PDE10A: variants seen among roughly 807,000 people sequenced by gnomAD.
The protein encoded by PDE10A is cAMP and cAMP-inhibited cGMP 3',5'-cyclic phosphodiesterase 10A.
A neutral mutation model predicts 97.7 loss-of-function variants in PDE10A; 39 were observed. That is an observed-to-expected ratio of 0.40 (90% CI 0.31 to 0.52). The LOEUF is 0.52. Ranked by LOEUF, PDE10A falls within the 20% of genes least tolerant of loss-of-function variation. The pLI, the probability that PDE10A is intolerant of heterozygous loss-of-function variation, is 0.56. For missense variants in PDE10A, 731 were observed against 1,047.8 expected (o/e 0.70, Z 4.17); for synonymous variants, 371 against 376.8 (o/e 0.98, Z 0.18).
chr6:165,431,871 T>C (rs1268697272), intron 7 of PDE10A, among the ~76,000 whole-genome samples: 2 of 152,104 alleles, frequency 1.3e-5, no homozygotes, highest in Non-Finnish European at 2.9e-5. Context: ...TGTAGCCCAA[T>C]GATTTTCACA....
intron 2 of PDE10A, among the ~76,000 whole-genome samples, chr6:165,531,826 T>C (rs145388413): frequency 6.6e-6 from 1 of 152,292 alleles, no homozygotes; most frequent in Non-Finnish European, 1.5e-5. Context: ...CTTTTCCTAT[T>C]ACAATCAATG....
chr6:165,435,130 C>T (rs1316379189), intron 6 of PDE10A, 107 bp downstream of exon 6: 5 of 1,078,312 alleles, frequency 4.6e-6, no homozygotes, highest in Non-Finnish European at 6.8e-6. Context: ...AGCTTTAATG[C>T]TTTTTAAAAT....
chr6:165,975,446 A>T (rs549851060), intron 1 of PDE10A, among the ~76,000 whole-genome samples: 2 of 151,970 alleles, frequency 1.3e-5, no homozygotes, highest in Admixed American at 6.6e-5. Flanking sequence ...CTCTATTAAA[A>T]TTTTTTTTTA....
intron 1 of PDE10A, among the ~76,000 whole-genome samples, chr6:165,723,788 T>C (rs946509226): frequency 4.6e-5 from 7 of 152,184 alleles, no homozygotes; most frequent in Admixed American, 1.3e-4. Context: ...TCCAATTGGA[T>C]ACCTAAACAT....
chr6:165,747,506 C>T (rs1792869764), intron 1 of PDE10A, among the ~76,000 whole-genome samples: 2 of 151,950 alleles, frequency 1.3e-5, no homozygotes, highest in Non-Finnish European at 2.9e-5. Flanking sequence ...CATCACATTG[C>T]TAGTTTGTTA....
rs1277614481 is a variant in PDE10A, at chr6:165,413,563, T to C, written c.2014A>G (p.Thr672Ala). 1 of 1,614,142 alleles carries C rather than the reference T, an allele frequency of 6.2e-7. No individual in the cohort carries two copies. The highest frequency in any genetic ancestry group is 8.5e-7 in the Non-Finnish European group (1 of 1,179,978). ...AACATTTTGAAGTTGTTTTCATCTG[T>C]TTTAGAGAAGGCACTGCCACTGATT... ...NKISGSAFSKTDENNFKMFAV... is the reference protein window; with the variant it reads ...NKISGSAFSKADENNFKMFAV... The change falls in exon 13 of 22, where the codon ACA (threonine) becomes GCA (alanine). Residue 672 changes from threonine to alanine, a missense_variant. This residue lies in a region of PDE10A where 4 missense variants were observed against 32.1 expected (regional missense o/e 0.12). Coordinates refer to ENST00000539869, the MANE Select transcript of PDE10A (RefSeq NM_001385079.1).
At chr6:165,690,561 G>T (rs2128441456) in intron 1 of PDE10A, among the ~76,000 whole-genome samples, 1 of 152,220 alleles carries the variant, frequency 6.6e-6, no homozygotes, top group South Asian at 2.1e-4. Flanking sequence ...CTCTGCTCTT[G>T]GAGGCAGGTC....
At chr6:165,896,726 G>A (rs1249106689) in intron 1 of PDE10A, among the ~76,000 whole-genome samples, 6 of 151,778 alleles carry the variant, frequency 4.0e-5, no homozygotes, top group East Asian at 1.9e-4. Flanking sequence ...GGGTTTCACC[G>A]TGTTAGCCAG....
At chr6:165,469,174 C>T (rs1197666117) in intron 3 of PDE10A, among the ~76,000 whole-genome samples, 5 of 152,096 alleles carry the variant, frequency 3.3e-5, no homozygotes, top group African/African-American at 9.7e-5. Flanking sequence ...ATTATGGAAT[C>T]GGGAACAGAC....
At chr6:165,351,812 T>C (rs1782713009) in intron 18 of PDE10A, among the ~76,000 whole-genome samples, 1 of 152,234 alleles carries the variant, frequency 6.6e-6, no homozygotes, top group Non-Finnish European at 1.5e-5. Flanking sequence ...GTCACTCTAA[T>C]TTTAACACAA....
intron 1 of PDE10A, among the ~76,000 whole-genome samples, chr6:165,954,262 A>G (rs550494046): frequency 6.6e-6 from 1 of 152,376 alleles, no homozygotes. Flanking sequence ...AACAATTTTT[A>G]GATGAAAATA....
chr6:165,944,346 T>C (rs1008566142), intron 1 of PDE10A, among the ~76,000 whole-genome samples: 1 of 152,190 alleles, frequency 6.6e-6, no homozygotes, highest in African/African-American at 2.4e-5. Context: ...ATATTTTGTA[T>C]TTTTCCTTTG....
intron 1 of PDE10A, among the ~76,000 whole-genome samples, chr6:165,856,772 G>A (rs924582519): frequency 1.3e-5 from 2 of 152,122 alleles, no homozygotes; most frequent in Admixed American, 1.3e-4. Context: ...GACACTTCAT[G>A]CTACGTTCAT....
chr6:165,449,708 T>C (rs575451243), intron 4 of PDE10A, among the ~76,000 whole-genome samples: 1 of 152,322 alleles, frequency 6.6e-6, no homozygotes, highest in South Asian at 2.1e-4. Flanking sequence ...TTATGGTTGG[T>C]ATCATTTATA....
intron 1 of PDE10A, among the ~76,000 whole-genome samples, chr6:165,751,989 A>T (rs1793013317): frequency 6.6e-6 from 1 of 151,954 alleles, no homozygotes; most frequent in African/African-American, 2.4e-5. Context: ...AAAAAAGTGA[A>T]AAAACTAGCC....
chr6:165,779,274 G>C (rs1334997593), intron 1 of PDE10A, among the ~76,000 whole-genome samples: 1 of 151,570 alleles, frequency 6.6e-6, no homozygotes, highest in East Asian at 1.9e-4. Context: ...CATGCAAGGG[G>C]CCTTTTCACT....
At chr6:165,964,288 C>T (rs559279593) in intron 1 of PDE10A, among the ~76,000 whole-genome samples, 37 of 152,286 alleles carry the variant, frequency 2.4e-4, no homozygotes, top group African/African-American at 7.9e-4. Context: ...GACTTAGACT[C>T]GGTCAGCCGC....
intron 1 of PDE10A, among the ~76,000 whole-genome samples, chr6:165,867,726 T>C (rs928079682): frequency 5.3e-5 from 8 of 152,102 alleles, no homozygotes; most frequent in Non-Finnish European, 1.2e-4. Context: ...AGAATACGCA[T>C]TCTCCTTATC....
At chr6:165,960,337 C>T (rs767354756) in intron 1 of PDE10A, among the ~76,000 whole-genome samples, 3 of 152,262 alleles carry the variant, frequency 2.0e-5, no homozygotes, top group Non-Finnish European at 2.9e-5. Flanking sequence ...CCGGTAAAGA[C>T]GTGGAAAAAG....
Sources: gnomAD v4.1 joint callset for allele counts (sites outside exome capture counted in the v4.1 genomes callset) on GRCh38, gnomAD v4.1.1 for gene constraint, gnomAD v4.1.1 regional missense constraint, MANE v1.5 for transcripts, NCBI Gene and HGNC (gene_info 2026-07-23, HGNC 2026-07-21) for gene names.